MCF2L: variants seen among roughly 807,000 people sequenced by gnomAD.
MCF2L encodes guanine nucleotide exchange factor DBS.
In MCF2L, 97 loss-of-function variants were observed where a neutral mutation model predicts 153.4. That is an observed-to-expected ratio of 0.63 (90% CI 0.54 to 0.75). MCF2L has a LOEUF of 0.75. Ranked by LOEUF, MCF2L falls within the 30% of genes least tolerant of loss-of-function variation. MCF2L has a pLI of 0.00. For synonymous variants in MCF2L, 659 were observed against 632.2 expected, an observed-to-expected ratio of 1.04 and a Z score of -0.64; for missense variants, 1,347 against 1,495.2, an observed-to-expected ratio of 0.90 and a Z score of 1.64.
chr13:113,032,911 G>A (rs918226021), intron 3 of MCF2L, among the ~76,000 whole-genome samples: 14 of 152,248 alleles, frequency 9.2e-5, no homozygotes, highest in African/African-American at 1.9e-4. Context: ...TGATGTAAGC[G>A]GACCTGGTGT....
Position 112,951,666 on chromosome 13 carries a change from G to T in MCF2L, c.169+49295G>T, listed in dbSNP as rs533580814. On this transcript the variant is annotated intron_variant, in intron 2 of 29. Coordinates refer to the MCF2L transcript ENST00000375608. The surrounding 1 kb of genome is among the most constrained non-coding windows in gnomAD (Gnocchi z 4.8). ...AGTGGTTGTGGGGGGTCCACGAGGGGTGATCTGGGAGGAACATGGGTGTGT... is the reference window on the plus strand; with the variant it reads ...AGTGGTTGTGGGGGGTCCACGAGGGTTGATCTGGGAGGAACATGGGTGTGT... Among the ~76,000 whole-genome samples the T allele has an allele frequency of 2.7e-3, 418 of 152,310 alleles. 2 individuals carry two copies. Among genetic ancestry groups the T allele is most frequent in the African/African-American group, 9.6e-3 (397 of 41,562 alleles).
intron 2 of MCF2L, among the ~76,000 whole-genome samples, chr13:113,021,242 CTG>C (rs1444130274): frequency 4.0e-5 from 6 of 151,522 alleles, no homozygotes; most frequent in South Asian, 2.1e-4. Context: ...GTGTGTGTAA[CTG>C]TATGTGTGTA....
At chr13:113,009,985 A>G (rs2083972132) in intron 1 of MCF2L, 1 of 152,150 alleles carries the variant, frequency 6.6e-6, no homozygotes, top group South Asian at 2.1e-4. Context: ...TGCTGTGTGG[A>G]GAGACTTGTC....
rs897061531 is a variant in MCF2L, at chr13:112,993,885, A to G, written c.80-20878A>G. On this transcript the variant is annotated intron_variant, in intron 1 of 29. Transcript: ENST00000535094. The surrounding 1 kb of genome is among the most constrained non-coding windows in gnomAD (Gnocchi z 4.6). ...TGGGTAGGATTTTCCCCTCCCTTAGATCGGAAGGCGAAGAAGGTGAGATCC... is the reference window on the plus strand; with the variant it reads ...TGGGTAGGATTTTCCCCTCCCTTAGGTCGGAAGGCGAAGAAGGTGAGATCC... Among the ~76,000 whole-genome samples the G allele has an allele frequency of 6.6e-6, 1 of 151,434 alleles. No individual in the cohort carries two copies. Among genetic ancestry groups the G allele is most frequent in the Non-Finnish European group, 1.5e-5 (1 of 67,920 alleles).
chr13:112,895,657 T>C (rs2081060209), intron 1 of MCF2L, among the ~76,000 whole-genome samples: 1 of 152,136 alleles, frequency 6.6e-6, no homozygotes, highest in African/African-American at 2.4e-5. Context: ...CGGGAGCCTG[T>C]GGAGCCCTCA....
At chr13:112,952,260 GCT>G (rs2081702409) in intron 2 of MCF2L, among the ~76,000 whole-genome samples, 1 of 152,178 alleles carries the variant, frequency 6.6e-6, no homozygotes, top group Admixed American at 6.5e-5. Context: ...GCTCCCTCCT[GCT>G]CTCTGTGAGC....
At chr13:112,896,319 T>G (rs140012779) in intron 1 of MCF2L, among the ~76,000 whole-genome samples, 1 of 151,906 alleles carries the variant, frequency 6.6e-6, no homozygotes, top group Non-Finnish European at 1.5e-5. Context: ...GGTCCCCAAA[T>G]GGGTGGTCCC....
chr13:112,971,341 C>T (rs1210376389), intron 1 of MCF2L, among the ~76,000 whole-genome samples: 1 of 152,162 alleles, frequency 6.6e-6, no homozygotes, highest in Admixed American at 6.5e-5. Context: ...GGTCATGGAG[C>T]TGCTTCTCCT....
chr13:113,088,617 G>A lies in MCF2L; in HGVS notation c.2823G>A (p.Pro941=), dbSNP rs144535397. Residue 941 remains proline (P), a synonymous_variant, in exon 25 of 30, where the codon CCG becomes CCA. Coordinates refer to ENST00000535094, the MANE Select transcript of MCF2L (RefSeq NM_001112732.3). ...CACAGAGCCTGCCCCTGCCGGCCCCGACCAGCACCAGGTGAGAATGGACAC... is the reference window on the plus strand; with the variant it reads ...CACAGAGCCTGCCCCTGCCGGCCCCAACCAGCACCAGGTGAGAATGGACAC... The part of the protein sequence containing the change: ...EQSQSLPLPA[P]TSTSPSRGNS... The A allele has an allele frequency of 4.9e-5, 78 of 1,607,318 alleles. No homozygotes were observed. In the African/African-American group the frequency reaches 8.8e-4, roughly 18 times the overall value.
Position 112,985,397 on chromosome 13 carries a change from G to A in MCF2L, c.79+15939G>A, listed in dbSNP as rs759546730. The A allele has an allele frequency of 3.1e-4, 144 of 470,972 alleles. 4 individuals carry two copies. Among genetic ancestry groups the A allele is most frequent in the South Asian group, 2.2e-3 (144 of 64,572 alleles). The allele number at this position is 470,972 out of a possible 1,614,324, so 29.2% of individuals were successfully genotyped here. ...TGATCCTCGCCATGGGGGACGGAAA[G>A]GCTGTCCGGATTTCCGTGGCGGAAA... On this transcript the variant is annotated intron_variant, in intron 1 of 29. Transcript: ENST00000535094.
In MCF2L at chr13:112,991,103, G is replaced by A. The variant is rs148673815; in HGVS notation, c.79+21645G>A. Among the ~76,000 whole-genome samples, 32 of 152,326 alleles carry A rather than the reference G, an allele frequency of 2.1e-4. No homozygotes were observed. The Middle Eastern group carries it at 0.014, about 65-fold the overall frequency. On this transcript the variant is annotated intron_variant, in intron 1 of 29. Transcript: ENST00000535094. ...CTCTGTGGGGCCTGCAGGAGGGGACGGGACAGGAGCTCTCCTTCCAGGAAG... is the reference window on the plus strand; with the variant it reads ...CTCTGTGGGGCCTGCAGGAGGGGACAGGACAGGAGCTCTCCTTCCAGGAAG...
intron 29 of MCF2L, 55 bp from the exon 30 acceptor site, chr13:113,096,719 G>C (rs778528536): frequency 6.4e-7 from 1 of 1,554,158 alleles, no homozygotes; most frequent in Non-Finnish European, 8.6e-7. Flanking sequence ...AAGCTGCCCC[G>C]TGTGTGCCCG....
chr13:113,060,721 GC>G lies in MCF2L; in HGVS notation c.489+13del, dbSNP rs774132851. ...TTAAGATGAAGGTGCCGGTAAGTGCGCCCCGCCTCCATCCTGCGGTAGCAGA... is the reference window on the plus strand; with the variant it reads ...TTAAGATGAAGGTGCCGGTAAGTGCGCCCGCCTCCATCCTGCGGTAGCAGA... On this transcript the variant is annotated intron_variant, in intron 5 of 29. Transcript: ENST00000535094. 11 of 1,611,800 alleles carry G rather than the reference GC, an allele frequency of 6.8e-6. No individual in the cohort carries two copies. The highest frequency in any genetic ancestry group is 8.5e-6 in the Non-Finnish European group (10 of 1,179,670).
chr13:112,979,542 G>A lies in MCF2L; in HGVS notation c.79+10084G>A, dbSNP rs1170906729. The A allele has an allele frequency of 3.7e-5, 57 of 1,520,790 alleles. 1 individual carries two copies. Among genetic ancestry groups the A allele is most frequent in the Admixed American group, 3.2e-4 (15 of 47,596 alleles). The allele number at this position is 1,520,790 out of a possible 1,614,324, so 94.2% of individuals were successfully genotyped here. A position where few individuals can be genotyped will look rare whatever the true frequency, so the allele number is the denominator to read the frequency against. On this transcript the variant is annotated intron_variant, in intron 1 of 29. Coordinates refer to ENST00000535094, the MANE Select transcript of MCF2L (RefSeq NM_001112732.3). ...TCTTGTGACCATGCGGCACCCGCCC[G>A]GCTTTTAGCTGTCGCAGCAGAGACC...
chr13:112,928,088 T>G (rs1248143171), intron 2 of MCF2L, among the ~76,000 whole-genome samples: 1 of 152,240 alleles, frequency 6.6e-6, no homozygotes, highest in Non-Finnish European at 1.5e-5. Flanking sequence ...TGTGTTTATG[T>G]GTATAAAAAG....
At chr13:113,077,989 G>A (rs2033678840) in intron 13 of MCF2L, among the ~76,000 whole-genome samples, 1 of 152,244 alleles carries the variant, frequency 6.6e-6, no homozygotes, top group Non-Finnish European at 1.5e-5. Flanking sequence ...GTCCCCGTGG[G>A]CTGTGGGAAC....
intron 2 of MCF2L, among the ~76,000 whole-genome samples, chr13:112,947,310 T>C (rs1594368775): frequency 6.6e-6 from 1 of 152,320 alleles, no homozygotes; most frequent in East Asian, 1.9e-4. Context: ...TCTTTTCACA[T>C]GCAAAATACA....
intron 1 of MCF2L, among the ~76,000 whole-genome samples, chr13:112,973,804 G>C (rs1231045301): frequency 6.6e-6 from 1 of 152,198 alleles, no homozygotes; most frequent in East Asian, 1.9e-4. Context: ...AGTGACCACA[G>C]GCAAGGTCTC....
At chr13:112,994,896 C>T (rs1275609515) in intron 1 of MCF2L, among the ~76,000 whole-genome samples, 1 of 152,228 alleles carries the variant, frequency 6.6e-6, no homozygotes, top group Non-Finnish European at 1.5e-5. Context: ...AGGCAGCCCT[C>T]GACCTGTGTG....
Sources: gnomAD v4.1 joint callset for allele counts (sites outside exome capture counted in the v4.1 genomes callset) on GRCh38, gnomAD v4.1.1 for gene constraint, Gnocchi (gnomAD v3.1) non-coding constraint, MANE v1.5 for transcripts, NCBI Gene and HGNC (gene_info 2026-07-23, HGNC 2026-07-21) for gene names.